The following PELI2 variants were observed in gnomAD, a reference collection of about 807,000 sequenced individuals.
PELI2 encodes the protein E3 ubiquitin-protein ligase pellino homolog 2.
A neutral mutation model predicts 42.3 loss-of-function variants in PELI2; 23 were observed. That is an observed-to-expected ratio of 0.54 (90% confidence interval 0.39 to 0.77). The LOEUF (loss-of-function observed/expected upper bound fraction) is 0.77. Among genes scored for constraint, PELI2 ranks in the 30% least tolerant of loss-of-function variants. The pLI is 0.00. For missense variants in PELI2, 463 were observed against 553.2 expected, an observed-to-expected ratio of 0.84 and a Z score of 1.64; for synonymous variants, 245 against 212.2, an observed-to-expected ratio of 1.15 and a Z score of -1.34.
intron 3 of PELI2, among the ~76,000 whole-genome samples, chr14:56,280,437 G>T (rs183857196): frequency 1.6e-3 from 240 of 152,044 alleles, no homozygotes; most frequent in Middle Eastern, 3.4e-3. Context: ...GAGAATTAAT[G>T]AATATATTCC....
At chr14:56,168,363 G>T (rs1030595471) in intron 1 of PELI2, among the ~76,000 whole-genome samples, 31 of 152,126 alleles carry the variant, frequency 2.0e-4, no homozygotes, top group African/African-American at 6.8e-4. Context: ...TTTTATTGTG[G>T]CTGAGTTGGC....
chr14:56,235,984 C>G (rs1303325320), intron 2 of PELI2, among the ~76,000 whole-genome samples: 1 of 152,096 alleles, frequency 6.6e-6, no homozygotes, highest in Non-Finnish European at 1.5e-5. Flanking sequence ...ACTGTTGGTC[C>G]TTGACATTTT....
intron 2 of PELI2, among the ~76,000 whole-genome samples, chr14:56,251,179 C>A (rs1421633991): frequency 6.6e-6 from 1 of 152,194 alleles, no homozygotes; most frequent in Non-Finnish European, 1.5e-5. Context: ...CAGCACTCAG[C>A]TGCTCACAGC....
In PELI2 at chr14:56,296,628, ACGGCTCC is replaced by A; in HGVS notation, c.727_733del (p.Gly243SerfsTer26). On this transcript the variant is annotated frameshift_variant, in exon 6 of 6. Transcript: ENST00000267460. LOFTEE classifies it high-confidence loss of function. ...GAAAGTGAGACCAACGTCCTGCAGG[ACGGCTCC>A]CTCATTGACCTGTGTGGGGCCACTC... The A allele has an allele frequency of 6.2e-7, 1 of 1,609,832 alleles. No individual in the cohort carries two copies. Among genetic ancestry groups the A allele is most frequent in the Non-Finnish European group, 8.5e-7 (1 of 1,176,840 alleles).
chr14:56,297,094 C>T lies in PELI2; in HGVS notation c.1191C>T (p.Cys397=). Residue 397 remains cysteine (C), a synonymous_variant, in exon 6 of 6, where the codon TGC becomes TGT. Coordinates refer to ENST00000267460, the MANE Select transcript of PELI2 (RefSeq NM_021255.3). ...GAACTCATGCATTTCACGCTGCTTG[C>T]CCTTTCTGTGCTACACAGCTGGTTG... is the stretch of plus-strand genomic sequence containing the variant. ...PHGTHAFHAA[C]PFCATQLVGE... 2 of 1,609,528 alleles carry T rather than the reference C, an allele frequency of 1.2e-6. No individual in the cohort carries two copies. The highest frequency in any genetic ancestry group is 8.5e-7 in the Non-Finnish European group (1 of 1,179,956).
At chr14:56,216,464 C>T (rs1173484616) in intron 2 of PELI2, among the ~76,000 whole-genome samples, 4 of 152,240 alleles carry the variant, frequency 2.6e-5, no homozygotes, top group Non-Finnish European at 5.9e-5. Context: ...TTTTGTAAAA[C>T]ACACATACTC....
intron 1 of PELI2, among the ~76,000 whole-genome samples, chr14:56,169,941 A>G (rs2147538): frequency 0.044 from 6,767 of 152,314 alleles, 208 homozygotes; most frequent in Non-Finnish European, 0.064. Flanking sequence ...GCTTATTGGC[A>G]TATGGGCATT....
At chr14:56,162,942 G>A (rs1299920673) in intron 1 of PELI2, among the ~76,000 whole-genome samples, 2 of 129,792 alleles carry the variant, frequency 1.5e-5, no homozygotes, top group Non-Finnish European at 3.5e-5. Context: ...GTTTTGATGG[G>A]ATTGTTAGAT....
intron 2 of PELI2, among the ~76,000 whole-genome samples, chr14:56,243,919 T>C (rs1482368419): frequency 2.0e-5 from 3 of 152,254 alleles, no homozygotes; most frequent in East Asian, 3.9e-4. Context: ...TTTCTGAAAA[T>C]TGAATTTTAC....
intron 1 of PELI2, among the ~76,000 whole-genome samples, chr14:56,122,593 C>T (rs2139572947): frequency 7.8e-6 from 1 of 128,414 alleles, no homozygotes; most frequent in African/African-American, 2.6e-5. Flanking sequence ...ATGCATTTTG[C>T]AAGACTTTTT....
chr14:56,162,112 T>C (rs1321663266), intron 1 of PELI2, among the ~76,000 whole-genome samples: 1 of 152,228 alleles, frequency 6.6e-6, no homozygotes, highest in Non-Finnish European at 1.5e-5. Context: ...GCATGTGAGT[T>C]ACACACAATC....
At chr14:56,142,111 G>C (rs148772110) in intron 1 of PELI2, among the ~76,000 whole-genome samples, 1 of 152,124 alleles carries the variant, frequency 6.6e-6, no homozygotes, top group Non-Finnish European at 1.5e-5. Context: ...TTCAGATAGC[G>C]ACACTGATCT....
intron 1 of PELI2, among the ~76,000 whole-genome samples, chr14:56,121,182 A>G (rs1211850585): frequency 6.6e-6 from 1 of 151,906 alleles, no homozygotes; most frequent in African/African-American, 2.4e-5. Context: ...GATTCCTGAG[A>G]TCTAAAAATG....
intron 2 of PELI2, among the ~76,000 whole-genome samples, chr14:56,227,244 G>A (rs1296427628): frequency 1.3e-5 from 2 of 152,190 alleles, no homozygotes; most frequent in African/African-American, 4.8e-5. Context: ...AGGTTTGGAT[G>A]GCAGAGCTTG....
chr14:56,268,236 T>C (rs1034270664), intron 2 of PELI2, among the ~76,000 whole-genome samples: 1 of 152,226 alleles, frequency 6.6e-6, no homozygotes, highest in African/African-American at 2.4e-5. Context: ...AACTTAGTCA[T>C]TCGCAGGATG....
intron 2 of PELI2, among the ~76,000 whole-genome samples, chr14:56,206,481 C>G (rs1195264619): frequency 1.3e-5 from 2 of 151,574 alleles, no homozygotes; most frequent in Non-Finnish European, 2.9e-5. Flanking sequence ...ACGAAGCGCT[C>G]CAGTAAGTTG....
intron 2 of PELI2, among the ~76,000 whole-genome samples, chr14:56,207,638 A>T (rs906923109): frequency 2.6e-5 from 4 of 152,244 alleles, no homozygotes; most frequent in African/African-American, 9.6e-5. Context: ...ACTCAGGGGA[A>T]GCAGATAGGG....
chr14:56,265,725 G>GA (rs1163573768), intron 2 of PELI2, among the ~76,000 whole-genome samples: 1 of 152,028 alleles, frequency 6.6e-6, no homozygotes, highest in Non-Finnish European at 1.5e-5. Flanking sequence ...TTTGTATTCA[G>GA]AATGTATAAA....
intron 2 of PELI2, among the ~76,000 whole-genome samples, chr14:56,257,655 AAC>A (rs1486395791): frequency 2.6e-5 from 4 of 152,210 alleles, no homozygotes; most frequent in Non-Finnish European, 5.9e-5. Context: ...CCCTACTGTA[AAC>A]AACTGGACAA....
Sources: gnomAD v4.1 joint callset for allele counts (sites outside exome capture counted in the v4.1 genomes callset) on GRCh38, gnomAD v4.1.1 for gene constraint, MANE v1.5 for transcripts, NCBI Gene and HGNC (gene_info 2026-07-23, HGNC 2026-07-21) for gene names.